Variants in CACNA2D3 observed in about 807,000 individuals in gnomAD.
The protein encoded by CACNA2D3 is voltage-dependent calcium channel subunit alpha-2/delta-3.
CACNA2D3 carries 60 observed loss-of-function variants against 160.6 expected under a neutral mutation model. The observed-to-expected ratio is 0.37, with a 90% CI of 0.30 to 0.46. The LOEUF (loss-of-function observed/expected upper bound fraction) is 0.46. Among genes scored for constraint, CACNA2D3 ranks in the 20% least tolerant of loss-of-function variants. The pLI is 1.00. For missense variants in CACNA2D3, 1,205 were observed against 1,365.0 expected (o/e 0.88, Z 1.85); for synonymous variants, 558 against 492.9 (o/e 1.13, Z -1.75).
intron 11 of CACNA2D3, among the ~76,000 whole-genome samples, chr3:54,687,141 T>TTTTTG (rs1559549456): frequency 8.3e-5 from 6 of 72,304 alleles, no homozygotes; most frequent in Non-Finnish European, 1.2e-4. Flanking sequence ...TTTTGTTTTT[T>TTTTTG]TTTTTTTTTG....
At chr3:54,561,318 C>T (rs964986624) in intron 5 of CACNA2D3, among the ~76,000 whole-genome samples, 2 of 152,082 alleles carry the variant, frequency 1.3e-5, no homozygotes, top group African/African-American at 4.8e-5. Flanking sequence ...TTTCTAGGTA[C>T]TTTATTCTTT....
chr3:54,447,585 G>GT (rs1163642381), intron 4 of CACNA2D3, among the ~76,000 whole-genome samples: 15 of 152,204 alleles, frequency 9.9e-5, no homozygotes, highest in Non-Finnish European at 2.1e-4. Flanking sequence ...TTAGATTCTT[G>GT]TTGGCCTTGA....
intron 13 of CACNA2D3, among the ~76,000 whole-genome samples, chr3:54,816,587 T>A (rs1024902343): frequency 2.6e-5 from 4 of 152,206 alleles, no homozygotes; most frequent in African/African-American, 9.7e-5. Flanking sequence ...TATAGGAGTT[T>A]ACCAACTGCT....
chr3:54,603,993 C>T (rs970365337), intron 9 of CACNA2D3, among the ~76,000 whole-genome samples: 1 of 152,114 alleles, frequency 6.6e-6, no homozygotes, highest in African/African-American at 2.4e-5. Flanking sequence ...AGCATTCCAA[C>T]CTCCTTATTA....
intron 11 of CACNA2D3, among the ~76,000 whole-genome samples, chr3:54,673,810 T>A (rs1700197325): frequency 6.6e-6 from 1 of 152,220 alleles, no homozygotes; most frequent in African/African-American, 2.4e-5. Flanking sequence ...ATATTTGACC[T>A]TCCTCTCTGG....
At chr3:54,267,641 C>T (rs1241016296) in intron 2 of CACNA2D3, among the ~76,000 whole-genome samples, 1 of 152,148 alleles carries the variant, frequency 6.6e-6, no homozygotes, top group Non-Finnish European at 1.5e-5. Context: ...ATACTGCAGG[C>T]TGATGTTAAG....
chr3:54,310,345 A>G (rs1703708993), intron 2 of CACNA2D3, among the ~76,000 whole-genome samples: 1 of 152,170 alleles, frequency 6.6e-6, no homozygotes, highest in Non-Finnish European at 1.5e-5. Context: ...ACACCTTTGT[A>G]TGCAATAATT....
chr3:54,464,158 G>A (rs1301237849), intron 4 of CACNA2D3, among the ~76,000 whole-genome samples: 3 of 152,168 alleles, frequency 2.0e-5, no homozygotes, highest in South Asian at 2.1e-4. Flanking sequence ...GTACCCAGCC[G>A]TGTGAGGTGT....
intron 2 of CACNA2D3, among the ~76,000 whole-genome samples, chr3:54,235,579 T>A (rs1032757214): frequency 1.3e-5 from 2 of 152,010 alleles, no homozygotes; most frequent in Non-Finnish European, 2.9e-5. Flanking sequence ...CGTGATCCAG[T>A]CCCCTCCCCT....
Position 54,605,508 on chromosome 3 carries a change from A to G in CACNA2D3, c.964-22279A>G, listed in dbSNP as rs111769191. 4.0e-3 allele frequency among the ~76,000 whole-genome samples: 609 copies of G among 152,252 alleles called. 3 individuals carry two copies. Among genetic ancestry groups the G allele is most frequent in the African/African-American group, 0.01 (428 of 41,550 alleles). ...CTCGAATGCTACCACTCTTAGTGGG[A>G]CCACCCTGACCACCCAACCACAGCA... On this transcript the variant is annotated intron_variant, in intron 9 of 37. Transcript: ENST00000474759.
chr3:54,777,572 C>G (rs147479194), intron 13 of CACNA2D3, among the ~76,000 whole-genome samples: 197 of 152,322 alleles, frequency 1.3e-3, no homozygotes, highest in Middle Eastern at 0.01. Flanking sequence ...ACATCAACAT[C>G]TTTTCTGGTT....
chr3:54,329,472 G>C (rs1480798698), intron 3 of CACNA2D3, among the ~76,000 whole-genome samples: 2 of 152,200 alleles, frequency 1.3e-5, no homozygotes, highest in Non-Finnish European at 2.9e-5. Context: ...AGCAACTGTG[G>C]GGTTCATGGA....
intron 11 of CACNA2D3, among the ~76,000 whole-genome samples, chr3:54,741,237 T>G (rs1424462629): frequency 6.6e-6 from 1 of 152,198 alleles, no homozygotes. Flanking sequence ...GGCGTTATAC[T>G]CTCAGACCTT....
intron 2 of CACNA2D3, among the ~76,000 whole-genome samples, chr3:54,190,884 A>G (rs1212136631): frequency 2.0e-5 from 3 of 152,026 alleles, no homozygotes; most frequent in Non-Finnish European, 4.4e-5. Context: ...AAAAGACTTA[A>G]CCTCGTTGGG....
chr3:54,637,345 G>C (rs916628458), intron 10 of CACNA2D3, among the ~76,000 whole-genome samples: 1 of 151,758 alleles, frequency 6.6e-6, no homozygotes, highest in Admixed American at 6.6e-5. Context: ...TAAGGTGGGG[G>C]GATACAAGAG....
intron 2 of CACNA2D3, among the ~76,000 whole-genome samples, chr3:54,184,417 T>C (rs1700841837): frequency 6.6e-6 from 1 of 152,156 alleles, no homozygotes; most frequent in Non-Finnish European, 1.5e-5. Flanking sequence ...GGCATAGAAA[T>C]GAAGTATTAG....
intron 13 of CACNA2D3, among the ~76,000 whole-genome samples, chr3:54,790,583 G>A (rs1324301823): frequency 6.6e-6 from 1 of 152,146 alleles, no homozygotes; most frequent in Non-Finnish European, 1.5e-5. Context: ...GCACCTTCTA[G>A]GTGCTCGGAA....
intron 3 of CACNA2D3, among the ~76,000 whole-genome samples, chr3:54,377,974 C>G (rs1427983790): frequency 1.3e-5 from 2 of 152,216 alleles, no homozygotes; most frequent in Non-Finnish European, 2.9e-5. Context: ...ATGTCCCTGT[C>G]TTCCTTGGCT....
chr3:54,391,995 C>T (rs532518473), intron 4 of CACNA2D3, among the ~76,000 whole-genome samples: 26 of 152,266 alleles, frequency 1.7e-4, no homozygotes, highest in Admixed American at 9.8e-4. Flanking sequence ...GCATCTCTCT[C>T]CTTTTTTACT....
Sources: gnomAD v4.1 joint callset for allele counts (sites outside exome capture counted in the v4.1 genomes callset) on GRCh38, gnomAD v4.1.1 for gene constraint, MANE v1.5 for transcripts, NCBI Gene and HGNC (gene_info 2026-07-23, HGNC 2026-07-21) for gene names.